Variants in DVL3 observed in about 807,000 individuals in gnomAD.
The protein encoded by DVL3 is dishevelled segment polarity protein 3.
A neutral mutation model predicts 67.4 loss-of-function variants in DVL3; 27 were observed. The observed-to-expected ratio is 0.40, with a 90% CI of 0.30 to 0.55. DVL3 has a LOEUF of 0.55. Ranked by LOEUF, DVL3 falls within the 20% of genes least tolerant of loss-of-function variation. DVL3 has a pLI of 0.46. For synonymous variants in DVL3, 369 were observed against 396.8 expected, an observed-to-expected ratio of 0.93 and a Z score of 0.83; for missense variants, 819 against 1,021.5, an observed-to-expected ratio of 0.80 and a Z score of 2.70.
rs1714840629 is a variant in DVL3, at chr3:184,171,553, T to C, written c.*798T>C. The C allele has an allele frequency of 1.0e-6, 1 of 986,090 alleles. No homozygotes were observed. 61.1% of individuals were successfully genotyped at this position (986,090 alleles called of 1,614,324 possible). A position where few individuals can be genotyped will look rare whatever the true frequency, so the allele number is the denominator to read the frequency against. Reference sequence around the variant, plus strand: ...TCTTTTTTCCTCCCCCAATTTACCCTGGGCCTGGAGCAGCCAAGAATTTCG... The same window carrying C: ...TCTTTTTTCCTCCCCCAATTTACCCCGGGCCTGGAGCAGCCAAGAATTTCG... On this transcript the variant is annotated 3_prime_UTR_variant, in exon 15 of 15. Transcript: ENST00000313143.
intron 1 of DVL3, among the ~76,000 whole-genome samples, chr3:184,162,933 C>G (rs1004954780): frequency 6.6e-6 from 1 of 152,110 alleles, no homozygotes; most frequent in Non-Finnish European, 1.5e-5. Context: ...GCAGTAACTA[C>G]AGTTTGGGGC....
At position 184,167,770 on chromosome 3, in the gene DVL3, C is replaced by T. The variant is rs541433407; in HGVS notation, c.1330+59C>T. On this transcript the variant is annotated intron_variant, in intron 12 of 14. Coordinates refer to ENST00000313143, the MANE Select transcript of DVL3 (RefSeq NM_004423.4). This position sits in a 1 kb window ranked among gnomAD's most constrained non-coding sequence, Gnocchi z 4.6. ...TGGGGAGTGATGGGGCAGGGCAGGC[C>T]GGAGGGCCCAGGACTTGCCTTGGAC... 1.6e-4 allele frequency: 253 copies of T among 1,589,194 alleles called. No individual in the cohort carries two copies. In the African/African-American group the frequency reaches 3.1e-3, roughly 20 times the overall value.
At position 184,155,948 on chromosome 3, in the gene DVL3, C is replaced by T. The variant is rs1714168199; in HGVS notation, c.161+152C>T. ...CGGCCCATTTGGGCCCCTTTGGTTCCAGCCCCAGTAGCAACTCCCGTTTAC... is the reference window on the plus strand; with the variant it reads ...CGGCCCATTTGGGCCCCTTTGGTTCTAGCCCCAGTAGCAACTCCCGTTTAC... On this transcript the variant is annotated intron_variant, in intron 1 of 14. Coordinates refer to ENST00000313143, the MANE Select transcript of DVL3 (RefSeq NM_004423.4). This position sits in a 1 kb window ranked among gnomAD's most constrained non-coding sequence, Gnocchi z 5.4. 5 of 944,716 alleles carry T rather than the reference C, an allele frequency of 5.3e-6. No individual in the cohort carries two copies. The highest frequency in any genetic ancestry group is 3.1e-6 in the Non-Finnish European group (2 of 647,216). The allele number at this position is 944,716 out of a possible 1,614,324, so 58.5% of individuals were successfully genotyped here.
rs760334675 is a variant in DVL3, at chr3:184,170,717, A to G, written c.2113A>G (p.Met705Val). 3 of 1,613,378 alleles carry G rather than the reference A, an allele frequency of 1.9e-6. No individual in the cohort carries two copies. The highest frequency in any genetic ancestry group is 2.7e-5 in the African/African-American group (2 of 74,746). The change falls in exon 15 of 15, where the codon ATG becomes GTG. Residue 705 changes from methionine to valine, a missense_variant. Met to Val is a conservative substitution (Grantham distance 21). Coordinates refer to ENST00000313143, the MANE Select transcript of DVL3 (RefSeq NM_004423.4). The surrounding 1 kb of genome is among the most constrained non-coding windows in gnomAD (Gnocchi z 6.5). Reference sequence around the variant, plus strand: ...CAGCAGACAGTCCTTCCGCATGGCCATGGGAAACCCCAGTGAGTTCTTTGT... The same window carrying G: ...CAGCAGACAGTCCTTCCGCATGGCCGTGGGAAACCCCAGTGAGTTCTTTGT... ...TASRQSFRMA[M>V]GNPSEFFVDV...
rs748137723 is a variant in DVL3 at position 184,170,314 on chromosome 3, T to C, written c.1715-5T>C. On this transcript the variant is annotated splice_polypyrimidine_tract_variant and splice_region_variant and intron_variant, in intron 14 of 14. Coordinates refer to ENST00000313143, the MANE Select transcript of DVL3 (RefSeq NM_004423.4). The surrounding 1 kb of genome is among the most constrained non-coding windows in gnomAD (Gnocchi z 6.5). The stretch of plus-strand genomic sequence containing the variant: ...CCCCACCCCGGCCCTGTTTGCCTCC[T>C]ACAGGCAGTCGGAGCAGTGGCTCCA... 1.9e-6 allele frequency: 3 copies of C among 1,598,302 alleles called. No individual in the cohort carries two copies. The highest frequency in any genetic ancestry group is 2.3e-5 in the East Asian group (1 of 44,294).
Position 184,170,223 on chromosome 3 carries a change from TAAGGTAGAGGGGCCGTGGAGG to T in DVL3, c.1714+7_1714+27del. 6.2e-7 allele frequency: 1 copy of T among 1,610,298 alleles called. No individual in the cohort carries two copies. The highest frequency in any genetic ancestry group is 8.5e-7 in the Non-Finnish European group (1 of 1,179,236). ...GCGCCAGCAGTCAGCACAGCGAAGG[TAAGGTAGAGGGGCCGTGGAGG>T]AAGGCTATAGGTGGGCCCCAGGCTT... On this transcript the variant is annotated splice_donor_5th_base_variant and intron_variant, in intron 14 of 14. Transcript: ENST00000313143. This position sits in a 1 kb window ranked among gnomAD's most constrained non-coding sequence, Gnocchi z 6.5.
chr3:184,167,044 GT>G lies in DVL3; in HGVS notation c.1198+70del. 1 of 1,559,794 alleles carries G rather than the reference GT, an allele frequency of 6.4e-7. No individual in the cohort carries two copies. ...GGTGGGGGGACTGATGAGGGTCCAT[GT>G]GGAGACTCTTGCTTGAGCATCAGAG... On this transcript the variant is annotated intron_variant, in intron 11 of 14. Transcript: ENST00000313143. The surrounding 1 kb of genome is among the most constrained non-coding windows in gnomAD (Gnocchi z 4.6).
chr3:184,170,049 C>A lies in DVL3; in HGVS notation c.1542C>A (p.Gly514=), dbSNP rs781638795. The change falls in exon 14 of 15, where the codon GGC becomes GGA. Residue 514 remains glycine, a synonymous_variant. Coordinates refer to ENST00000313143, the MANE Select transcript of DVL3 (RefSeq NM_004423.4). This position sits in a 1 kb window ranked among gnomAD's most constrained non-coding sequence, Gnocchi z 6.5. ...TCCACGATCACGATGGCTCCAGTGGCGCCTCTGACCAGGACACACTGGCCC... is the reference window on the plus strand; with the variant it reads ...TCCACGATCACGATGGCTCCAGTGGAGCCTCTGACCAGGACACACTGGCCC... ...LSLHDHDGSS[G]ASDQDTLAPL... is the part of the protein sequence containing the mutation. 2 of 1,613,078 alleles carry A rather than the reference C, an allele frequency of 1.2e-6. No homozygotes were observed. The highest frequency in any genetic ancestry group is 1.7e-6 in the Non-Finnish European group (2 of 1,179,416).
chr3:184,171,364 G>A lies in DVL3; in HGVS notation c.*609G>A. The stretch of plus-strand genomic sequence containing the variant: ...CATCCCTGCCTGTGCCTAGATCAGA[G>A]GCCCAGAGGGCCCCCTCAGTTGCCT... On this transcript the variant is annotated 3_prime_UTR_variant, in exon 15 of 15. Transcript: ENST00000313143. The A allele has an allele frequency of 1.0e-6, 1 of 1,000,572 alleles. No homozygotes were observed. The highest frequency in any genetic ancestry group is 1.2e-6 in the Non-Finnish European group (1 of 840,296). 62.0% of individuals were successfully genotyped at this position (1,000,572 alleles called of 1,614,324 possible).
chr3:184,168,420 G>A (rs1419277822), intron 13 of DVL3, among the ~76,000 whole-genome samples: 3 of 152,216 alleles, frequency 2.0e-5, no homozygotes, highest in Admixed American at 6.5e-5. Context: ...CTAGGGTGTT[G>A]TAGGCTTAAA....
chr3:184,164,264 C>T lies in DVL3; in HGVS notation c.232-3C>T. ...TACTACTCACTCAGTTTCTCCCTTT[C>T]AGCTGGTGTCAGCTGAGGGCTCACA... On this transcript the variant is annotated splice_region_variant and splice_polypyrimidine_tract_variant and intron_variant, in intron 2 of 14. Coordinates refer to ENST00000313143, the MANE Select transcript of DVL3 (RefSeq NM_004423.4). This position sits in a 1 kb window ranked among gnomAD's most constrained non-coding sequence, Gnocchi z 5.3. 4 of 1,613,528 alleles carry T rather than the reference C, an allele frequency of 2.5e-6. No individual in the cohort carries two copies. The highest frequency in any genetic ancestry group is 3.4e-6 in the Non-Finnish European group (4 of 1,179,770).
intron 1 of DVL3, chr3:184,156,587 C>T (rs1299382471): frequency 2.5e-6 from 1 of 407,698 alleles, no homozygotes; most frequent in Non-Finnish European, 4.9e-6. Context: ...CTGGTGGGGT[C>T]TTCCCTTCCA....
chr3:184,170,217 C>T lies in DVL3; in HGVS notation c.1710C>T (p.Ser570=). The part of the protein sequence containing the change: ...YGGGSASSQH[S]EGSRSSGSNR... ...GGGGCAGCGCCAGCAGTCAGCACAG[C>T]GAAGGTAAGGTAGAGGGGCCGTGGA... Residue 570 remains serine (S), a synonymous_variant, in exon 14 of 15, where the codon AGC becomes AGT. Coordinates refer to ENST00000313143, the MANE Select transcript of DVL3 (RefSeq NM_004423.4). This position sits in a 1 kb window ranked among gnomAD's most constrained non-coding sequence, Gnocchi z 6.5. 1 of 1,611,684 alleles carries T rather than the reference C, an allele frequency of 6.2e-7. No homozygotes were observed. The highest frequency in any genetic ancestry group is 1.3e-5 in the African/African-American group (1 of 75,044).
Position 184,165,244 on chromosome 3 carries a change from A to G in DVL3, c.693+38A>G, listed in dbSNP as rs1257572968. 3 of 1,563,772 alleles carry G rather than the reference A, an allele frequency of 1.9e-6. No individual in the cohort carries two copies. Among genetic ancestry groups the G allele is most frequent in the Non-Finnish European group, 2.6e-6 (3 of 1,151,664 alleles). The stretch of plus-strand genomic sequence containing the variant: ...GGAGGCTAGGGATGGGTGGAGGCAG[A>G]TTGTGAGCCCTTCCTACGCAGGGCC... On this transcript the variant is annotated intron_variant, in intron 6 of 14. Coordinates refer to ENST00000313143, the MANE Select transcript of DVL3 (RefSeq NM_004423.4). The surrounding 1 kb of genome is among the most constrained non-coding windows in gnomAD (Gnocchi z 4.1).
Position 184,173,054 on chromosome 3 carries a change from C to G in DVL3, c.*2299C>G, listed in dbSNP as rs890350902. 3.3e-5 allele frequency: 5 copies of G among 152,504 alleles called. No homozygotes were observed. The highest frequency in any genetic ancestry group is 1.2e-4 in the African/African-American group (5 of 41,460). 9.4% of individuals were successfully genotyped at this position (152,504 alleles called of 1,614,324 possible). A position where few individuals can be genotyped will look rare whatever the true frequency, so the allele number is the denominator to read the frequency against. ...TTCATCCTGATGTCCTCAATTGCTG[C>G]TGATATGCTGGTGATTCCCAAATAC... On this transcript the variant is annotated 3_prime_UTR_variant, in exon 15 of 15. Coordinates refer to ENST00000313143, the MANE Select transcript of DVL3 (RefSeq NM_004423.4).
chr3:184,159,830 A>G (rs1714319818), intron 1 of DVL3, among the ~76,000 whole-genome samples: 1 of 152,320 alleles, frequency 6.6e-6, no homozygotes, highest in Non-Finnish European at 1.5e-5. Flanking sequence ...TCTGGGTCTG[A>G]TGTTTCATGA....
chr3:184,163,622 A>G lies in DVL3; in HGVS notation c.162-35A>G, dbSNP rs1243529995. 1.2e-6 allele frequency: 2 copies of G among 1,600,276 alleles called. No homozygotes were observed. The highest frequency in any genetic ancestry group is 1.7e-6 in the Non-Finnish European group (2 of 1,167,606). On this transcript the variant is annotated intron_variant, in intron 1 of 14. Coordinates refer to ENST00000313143, the MANE Select transcript of DVL3 (RefSeq NM_004423.4). The surrounding 1 kb of genome is among the most constrained non-coding windows in gnomAD (Gnocchi z 4.5). ...TTTGAGGATCCTCCATTTGCACCCT[A>G]GAAGGTTCTCTGTGACATCCCCCTT...
At chr3:184,168,513 C>G (rs1242152962) in intron 13 of DVL3, among the ~76,000 whole-genome samples, 2 of 152,222 alleles carry the variant, frequency 1.3e-5, no homozygotes, top group African/African-American at 4.8e-5. Flanking sequence ...CACGTCATCA[C>G]CAGCTCTGGG....
rs1242944154 is a variant in DVL3, at chr3:184,164,542, C to T, written c.404C>T (p.Thr135Met). The T allele has an allele frequency of 4.4e-6, 7 of 1,583,372 alleles. No individual in the cohort carries two copies. The highest frequency in any genetic ancestry group is 2.2e-5 in the East Asian group (1 of 44,600). Reference protein sequence around the residue: ...SQENLDNDTETDSLVSAQRER... With the variant: ...SQENLDNDTEMDSLVSAQRER... ...GAGAACCTGGACAATGACACAGAGA[C>T]GGACTCTTTGGTGTCTGCCCAGCGA... is the stretch of plus-strand genomic sequence containing the variant. The change falls in exon 4 of 15, where the codon ACG (threonine) becomes ATG (methionine). Residue 135 changes from threonine to methionine, a missense_variant. Physicochemically the swap from Thr to Met is moderately conservative, Grantham distance 81. Around this residue, in one of 3 missense-constraint regions of DVL3, gnomAD observed 385 missense variants for 486.8 expected, o/e 0.79. Coordinates refer to ENST00000313143, the MANE Select transcript of DVL3 (RefSeq NM_004423.4). The surrounding 1 kb of genome is among the most constrained non-coding windows in gnomAD (Gnocchi z 5.3).
Sources: allele counts gnomAD v4.1 joint callset (sites outside exome capture counted in the v4.1 genomes callset), GRCh38; gene constraint gnomAD v4.1.1; regional missense constraint gnomAD v4.1.1; non-coding constraint Gnocchi (gnomAD v3.1); transcripts MANE v1.5; gene names NCBI Gene and HGNC (gene_info 2026-07-23, HGNC 2026-07-21).